Variants in FAM168A observed in about 807,000 individuals in gnomAD.
FAM168A encodes family with sequence similarity 168 member A, also known as protein FAM168A.
In FAM168A, 3 loss-of-function variants were observed where a neutral mutation model predicts 28.5. The observed-to-expected ratio is 0.11, with a 90% CI of 0.05 to 0.27. The LOEUF (loss-of-function observed/expected upper bound fraction) is 0.27. FAM168A is among the 10% of genes least tolerant of loss of function. The probability of loss-of-function intolerance (pLI) is 1.00; values close to 1 mark genes in which losing one functional copy is unlikely to be tolerated. For synonymous variants in FAM168A, 122 were observed against 124.2 expected, an observed-to-expected ratio of 0.98 and a Z score of 0.12; for missense variants, 222 against 311.5, an observed-to-expected ratio of 0.71 and a Z score of 2.16.
At chr11:73,508,825 C>T (rs1855165273) in intron 1 of FAM168A, among the ~76,000 whole-genome samples, 1 of 152,074 alleles carries the variant, frequency 6.6e-6, no homozygotes, top group Non-Finnish European at 1.5e-5. Context: ...ACTCAAAAAG[C>T]CAGTGTAATA....
At chr11:73,544,845 A>ATTATATAT (rs1555034909) in intron 1 of FAM168A, among the ~76,000 whole-genome samples, 20 of 94,480 alleles carry the variant, frequency 2.1e-4, no homozygotes, top group African/African-American at 1.2e-3. Context: ...AATATATATT[A>ATTATATAT]AATATATAAT....
Position 73,513,498 on chromosome 11 carries a change from G to A in FAM168A, c.-18-45006C>T, listed in dbSNP as rs183864517. Among the ~76,000 whole-genome samples, 213 of 151,926 alleles carry A rather than the reference G, an allele frequency of 1.4e-3. 1 individual carries two copies. Among genetic ancestry groups the A allele is most frequent in the Non-Finnish European group, 2.4e-4 (16 of 67,962 alleles). ...CCCAAAGTGCTGGGATTACAGGCAT[G>A]AGCACCGCGCCCCACCCAGGTAAAA... On this transcript the variant is annotated intron_variant, in intron 1 of 7. Transcript: ENST00000356467.
At chr11:73,580,264 A>G in intron 1 of FAM168A, 1 of 554,686 alleles carries the variant, frequency 1.8e-6, no homozygotes, top group Non-Finnish European at 3.6e-6. Context: ...TGCCCAAGAA[A>G]GGCTGAAGGG....
intron 1 of FAM168A, among the ~76,000 whole-genome samples, chr11:73,521,518 G>C (rs12286840): frequency 0.03 from 4,523 of 152,120 alleles, 223 homozygotes; most frequent in African/African-American, 0.1. Context: ...TTCATATCTA[G>C]TTAGAACTTT....
At chr11:73,442,955 G>GATATACATATAT (rs1867226712) in intron 2 of FAM168A, among the ~76,000 whole-genome samples, 1 of 40,228 alleles carries the variant, frequency 2.5e-5, no homozygotes. Context: ...ATATACAAAG[G>GATATACATATAT]ATATATATAT....
chr11:73,510,675 C>T (rs780330606), intron 1 of FAM168A: 28 of 335,822 alleles, frequency 8.3e-5, no homozygotes, highest in East Asian at 4.2e-4. Context: ...TACCAGGATT[C>T]GGAATAATTT....
At chr11:73,562,741 G>A (rs1290952251) in intron 1 of FAM168A, among the ~76,000 whole-genome samples, 1 of 152,072 alleles carries the variant, frequency 6.6e-6, no homozygotes, top group Non-Finnish European at 1.5e-5. Context: ...CAGGAGGATT[G>A]CTTGAACCCA....
chr11:73,498,191 A>C (rs746170029), intron 1 of FAM168A, among the ~76,000 whole-genome samples: 2 of 152,158 alleles, frequency 1.3e-5, no homozygotes, highest in Non-Finnish European at 1.5e-5. Context: ...AAGTATGTGA[A>C]TCCTTCGCCG....
intron 2 of FAM168A, among the ~76,000 whole-genome samples, chr11:73,465,190 C>T (rs906022068): frequency 1.3e-5 from 2 of 149,984 alleles, no homozygotes; most frequent in African/African-American, 4.9e-5. Flanking sequence ...AGTTCCATAG[C>T]TAATTAGTGA....
At chr11:73,413,387 T>C (rs1846794454) in intron 4 of FAM168A, among the ~76,000 whole-genome samples, 1 of 152,220 alleles carries the variant, frequency 6.6e-6, no homozygotes, top group South Asian at 2.1e-4. Flanking sequence ...AGAAACTAAC[T>C]GGAAGTGCAA....
intron 1 of FAM168A, among the ~76,000 whole-genome samples, chr11:73,581,502 C>A (rs1345811618): frequency 6.6e-6 from 1 of 152,218 alleles, no homozygotes; most frequent in Non-Finnish European, 1.5e-5. Flanking sequence ...AGTACTTAAA[C>A]AACCTGTCCA....
At chr11:73,436,149 T>C (rs1867082846) in intron 2 of FAM168A, among the ~76,000 whole-genome samples, 1 of 152,246 alleles carries the variant, frequency 6.6e-6, no homozygotes, top group African/African-American at 2.4e-5. Flanking sequence ...TCAGGTATTC[T>C]GGGATTTTGA....
At chr11:73,495,309 A>G (rs11235779) in intron 1 of FAM168A, among the ~76,000 whole-genome samples, 7,300 of 152,296 alleles carry the variant, frequency 0.048, 553 homozygotes, top group African/African-American at 0.16. Context: ...AGCCTGGGCG[A>G]CAGAGCGAGA....
chr11:73,595,712 C>T (rs1351653929), intron 1 of FAM168A, among the ~76,000 whole-genome samples: 2 of 152,148 alleles, frequency 1.3e-5, no homozygotes, highest in Non-Finnish European at 2.9e-5. Context: ...GGTGGAGATG[C>T]TGTTTCTGTA....
At chr11:73,577,933 G>A (rs1187832189) in intron 1 of FAM168A, among the ~76,000 whole-genome samples, 1 of 152,118 alleles carries the variant, frequency 6.6e-6, no homozygotes, top group Non-Finnish European at 1.5e-5. Flanking sequence ...AAATTTTCCT[G>A]TTTCAAAAAC....
chr11:73,553,872 C>T (rs75764318), intron 1 of FAM168A, among the ~76,000 whole-genome samples: 2 of 151,856 alleles, frequency 1.3e-5, no homozygotes, highest in Non-Finnish European at 2.9e-5. Flanking sequence ...ACTTGTAGTG[C>T]CAGCTATTCA....
Position 73,407,564 on chromosome 11 carries a change from G to C in FAM168A, c.675C>G (p.Thr225=). ...VSMPTYRAQG[T]PAYSYVPPHW Reference sequence around the variant, plus strand: ...GTGGGGGCACGTAGCTGTACGCAGGGGTTCCTTGGGCCCTATATGTTGGCA... The same window carrying C: ...GTGGGGGCACGTAGCTGTACGCAGGCGTTCCTTGGGCCCTATATGTTGGCA... Residue 225 remains threonine, a synonymous_variant, in exon 7 of 8, where the codon ACC becomes ACG. Transcript: ENST00000356467. 6.2e-7 allele frequency: 1 copy of C among 1,606,308 alleles called. No individual in the cohort carries two copies. Among genetic ancestry groups the C allele is most frequent in the Non-Finnish European group, 8.5e-7 (1 of 1,177,284 alleles).
At chr11:73,531,237 T>C (rs566218175) in intron 1 of FAM168A, among the ~76,000 whole-genome samples, 33 of 152,226 alleles carry the variant, frequency 2.2e-4, no homozygotes, top group Non-Finnish European at 4.6e-4. Context: ...AATAAACCTG[T>C]AGCCAAGGCT....
At chr11:73,537,327 G>A (rs1191835925) in intron 1 of FAM168A, among the ~76,000 whole-genome samples, 4 of 152,152 alleles carry the variant, frequency 2.6e-5, no homozygotes, top group Non-Finnish European at 4.4e-5. Flanking sequence ...TTGGGAGGCC[G>A]AGGCTGGCAG....
Sources: gnomAD v4.1 joint callset for allele counts (sites outside exome capture counted in the v4.1 genomes callset) on GRCh38, gnomAD v4.1.1 for gene constraint, MANE v1.5 for transcripts, NCBI Gene and HGNC (gene_info 2026-07-23, HGNC 2026-07-21) for gene names.